Variants in AGAP1 observed in about 807,000 individuals in gnomAD.
AGAP1 encodes ArfGAP with GTPase domain, ankyrin repeat and PH domain 1.
Under a neutral mutation model 105.3 loss-of-function variants are expected in AGAP1, and 29 were observed. The ratio of observed to expected loss-of-function variants is 0.28; its 90% CI spans 0.21 to 0.38. The LOEUF (loss-of-function observed/expected upper bound fraction) is 0.38. Among genes scored for constraint, AGAP1 ranks in the 10% least tolerant of loss-of-function variants. The pLI is 1.00. For missense variants in AGAP1, 998 were observed against 1,165.1 expected, an observed-to-expected ratio of 0.86 and a Z score of 2.09; for synonymous variants, 509 against 485.9, an observed-to-expected ratio of 1.05 and a Z score of -0.63.
At chr2:235,932,950 G>A (rs1290070989) in intron 12 of AGAP1, among the ~76,000 whole-genome samples, 2 of 152,188 alleles carry the variant, frequency 1.3e-5, no homozygotes, top group Non-Finnish European at 2.9e-5. Context: ...TATTCACAAA[G>A]CAATTTCTAT....
intron 9 of AGAP1, among the ~76,000 whole-genome samples, chr2:235,863,595 G>A (rs964799144): frequency 1.3e-5 from 2 of 152,332 alleles, no homozygotes; most frequent in South Asian, 2.1e-4. Context: ...GGGGACAGAC[G>A]CTGGCTGGGG....
chr2:235,976,574 A>G lies in AGAP1; in HGVS notation c.1645+7951A>G, dbSNP rs1203189116. Among the ~76,000 whole-genome samples, 1 of 152,170 alleles carries G rather than the reference A, an allele frequency of 6.6e-6. No individual in the cohort carries two copies. Among genetic ancestry groups the G allele is most frequent in the East Asian group, 1.9e-4 (1 of 5,198 alleles). On this transcript the variant is annotated intron_variant, in intron 13 of 17. Coordinates refer to ENST00000304032, the MANE Select transcript of AGAP1 (RefSeq NM_001037131.3). The surrounding 1 kb of genome is among the most constrained non-coding windows in gnomAD (Gnocchi z 4.5). The stretch of plus-strand genomic sequence containing the variant: ...AATTTTTTTAACCACACACAAACTT[A>G]AAGGGGTTAGATTCAGGTCCAAAAA...
chr2:235,629,198 C>T (rs1049359242), intron 1 of AGAP1, among the ~76,000 whole-genome samples: 1 of 151,558 alleles, frequency 6.6e-6, no homozygotes, highest in Non-Finnish European at 1.5e-5. Context: ...TCAGAATAAT[C>T]GTCTCCAATC....
intron 13 of AGAP1, among the ~76,000 whole-genome samples, chr2:236,034,211 A>G (rs1670995612): frequency 6.6e-6 from 1 of 152,202 alleles, no homozygotes; most frequent in South Asian, 2.1e-4. Context: ...CTGGACCAAG[A>G]CCCACAGATG....
rs2056568290 is a variant in AGAP1, at chr2:236,012,948, T to C, written c.1646-23613T>C. On this transcript the variant is annotated intron_variant, in intron 13 of 17. Coordinates refer to ENST00000304032, the MANE Select transcript of AGAP1 (RefSeq NM_001037131.3). This position sits in a 1 kb window ranked among gnomAD's most constrained non-coding sequence, Gnocchi z 4.9. The stretch of plus-strand genomic sequence containing the variant: ...TTTTAGTAGAGACGGTGTTTTGCCA[T>C]GTTGGCCAGGCTGGTTTCGAACTTC... 6.6e-6 allele frequency among the ~76,000 whole-genome samples: 1 copy of C among 152,116 alleles called. No individual in the cohort carries two copies. Among genetic ancestry groups the C allele is most frequent in the Admixed American group, 6.5e-5 (1 of 15,272 alleles).
intron 1 of AGAP1, among the ~76,000 whole-genome samples, chr2:235,583,553 A>ATT (rs763297542): frequency 2.2e-4 from 28 of 128,452 alleles, no homozygotes; most frequent in Admixed American, 5.5e-4. Flanking sequence ...TACCTGGCTA[A>ATT]TTTTTTTTTT....
intron 4 of AGAP1, among the ~76,000 whole-genome samples, chr2:235,742,166 G>A (rs978257624): frequency 2.6e-5 from 4 of 152,098 alleles, no homozygotes; most frequent in East Asian, 1.9e-4. Flanking sequence ...TTTTGTGAAC[G>A]GGCAGCATAG....
intron 1 of AGAP1, among the ~76,000 whole-genome samples, chr2:235,671,570 C>CCTCG (rs1306038941): frequency 6.6e-6 from 1 of 152,184 alleles, no homozygotes; most frequent in African/African-American, 2.4e-5. Context: ...ACTCCGTGGC[C>CCTCG]CTCGGTATTG....
chr2:235,619,734 T>C (rs1946416335), intron 1 of AGAP1, among the ~76,000 whole-genome samples: 2 of 152,226 alleles, frequency 1.3e-5, no homozygotes, highest in Non-Finnish European at 2.9e-5. Context: ...GGCCAGCTGC[T>C]GGAGATCAGC....
At chr2:236,041,266 ATTTTT>A (rs71039704) in intron 15 of AGAP1, among the ~76,000 whole-genome samples, 17 of 148,182 alleles carry the variant, frequency 1.1e-4, no homozygotes, top group African/African-American at 2.2e-4. Flanking sequence ...TCACTTGTTG[ATTTTT>A]TTTTTTTTTC....
Position 235,553,580 on chromosome 2 carries a change from T to C in AGAP1, c.163+58731T>C, listed in dbSNP as rs982205860. Among the ~76,000 whole-genome samples, 1 of 152,096 alleles carries C rather than the reference T, an allele frequency of 6.6e-6. No individual in the cohort carries two copies. Among genetic ancestry groups the C allele is most frequent in the East Asian group, 1.9e-4 (1 of 5,182 alleles). Reference sequence around the variant, plus strand: ...CCACGCATCTCTCTGGCCTGTTGGCTCACATTTGGGGGTGTGGCATTTGTG... The same window carrying C: ...CCACGCATCTCTCTGGCCTGTTGGCCCACATTTGGGGGTGTGGCATTTGTG... On this transcript the variant is annotated intron_variant, in intron 1 of 17. Coordinates refer to ENST00000304032, the MANE Select transcript of AGAP1 (RefSeq NM_001037131.3). This position sits in a 1 kb window ranked among gnomAD's most constrained non-coding sequence, Gnocchi z 4.5.
chr2:235,596,453 C>T lies in AGAP1; in HGVS notation c.163+101604C>T, dbSNP rs754077579. On this transcript the variant is annotated intron_variant, in intron 1 of 17. Coordinates refer to ENST00000304032, the MANE Select transcript of AGAP1 (RefSeq NM_001037131.3). The surrounding 1 kb of genome is among the most constrained non-coding windows in gnomAD (Gnocchi z 5.9). ...CTGGAGTCACCTTGGGACCTTGTTACCTGCAGATTTGGATTCAGCAAGGCA... is the reference window on the plus strand; with the variant it reads ...CTGGAGTCACCTTGGGACCTTGTTATCTGCAGATTTGGATTCAGCAAGGCA... 3.9e-5 allele frequency among the ~76,000 whole-genome samples: 6 copies of T among 152,146 alleles called. No individual in the cohort carries two copies. Among genetic ancestry groups the T allele is most frequent in the Non-Finnish European group, 7.3e-5 (5 of 68,036 alleles).
intron 16 of AGAP1, among the ~76,000 whole-genome samples, chr2:236,079,567 C>T (rs1306986377): frequency 6.6e-6 from 1 of 150,918 alleles, no homozygotes; most frequent in Non-Finnish European, 1.5e-5. Flanking sequence ...CACACACACA[C>T]ACATACATAC....
At position 235,953,328 on chromosome 2, in the gene AGAP1, G is replaced by A. The variant is rs2053819132; in HGVS notation, c.1484-15134G>A. Among the ~76,000 whole-genome samples, 1 of 152,140 alleles carries A rather than the reference G, an allele frequency of 6.6e-6. No homozygotes were observed. Among genetic ancestry groups the A allele is most frequent in the African/African-American group, 2.4e-5 (1 of 41,430 alleles). Reference sequence around the variant, plus strand: ...CAGTTGCCTTCTAACATAACAAAAGGTTACATGTGATGGCCAAGGGAAAAG... The same window carrying A: ...CAGTTGCCTTCTAACATAACAAAAGATTACATGTGATGGCCAAGGGAAAAG... On this transcript the variant is annotated intron_variant, in intron 12 of 17. Coordinates refer to ENST00000304032, the MANE Select transcript of AGAP1 (RefSeq NM_001037131.3). This position sits in a 1 kb window ranked among gnomAD's most constrained non-coding sequence, Gnocchi z 5.2.
intron 1 of AGAP1, among the ~76,000 whole-genome samples, chr2:235,593,536 A>G (rs1020785923): frequency 2.0e-5 from 3 of 152,232 alleles, no homozygotes; most frequent in African/African-American, 7.2e-5. Context: ...TCATTTAAAC[A>G]AATGATGCCT....
rs1286161758 is a variant in AGAP1 at position 235,963,721 on chromosome 2, T to C, written c.1484-4741T>C. ...TGACTCCACCCTGTTCACCATCTTT[T>C]TCATTGATGTGGATGGATATATGGG... On this transcript the variant is annotated intron_variant, in intron 12 of 17. Coordinates refer to ENST00000304032, the MANE Select transcript of AGAP1 (RefSeq NM_001037131.3). This position sits in a 1 kb window ranked among gnomAD's most constrained non-coding sequence, Gnocchi z 5.1. 6.6e-6 allele frequency among the ~76,000 whole-genome samples: 1 copy of C among 152,124 alleles called. No individual in the cohort carries two copies. Among genetic ancestry groups the C allele is most frequent in the Non-Finnish European group, 1.5e-5 (1 of 68,026 alleles).
At position 236,120,143 on chromosome 2, in the gene AGAP1, G is replaced by C. The variant is rs779055684; in HGVS notation, c.2115-49G>C. 2 of 1,567,758 alleles carry C rather than the reference G, an allele frequency of 1.3e-6. No homozygotes were observed. Among genetic ancestry groups the C allele is most frequent in the East Asian group, 2.3e-5 (1 of 44,416 alleles). On this transcript the variant is annotated intron_variant, in intron 16 of 17. Coordinates refer to ENST00000304032, the MANE Select transcript of AGAP1 (RefSeq NM_001037131.3). This position sits in a 1 kb window ranked among gnomAD's most constrained non-coding sequence, Gnocchi z 6.0. Reference sequence around the variant, plus strand: ...CACACTGGGCAGGGGCTGGCAGCCTGTGTTCTCGGGCCTGATCGTGACTGC... The same window carrying C: ...CACACTGGGCAGGGGCTGGCAGCCTCTGTTCTCGGGCCTGATCGTGACTGC...
rs954160446 is a variant in AGAP1 at position 235,977,609 on chromosome 2, G to A, written c.1645+8986G>A. 1.3e-5 allele frequency among the ~76,000 whole-genome samples: 2 copies of A among 152,188 alleles called. No homozygotes were observed. The highest frequency in any genetic ancestry group is 6.5e-5 in the Admixed American group (1 of 15,288). ...ACACATGCGGCCTGGGCTTCAGGAA[G>A]TAGAGATGCCCGGGGGTTATATTTT... On this transcript the variant is annotated intron_variant, in intron 13 of 17. Coordinates refer to ENST00000304032, the MANE Select transcript of AGAP1 (RefSeq NM_001037131.3). The surrounding 1 kb of genome is among the most constrained non-coding windows in gnomAD (Gnocchi z 5.2).
At chr2:235,518,505 C>T (rs1942487045) in intron 1 of AGAP1, among the ~76,000 whole-genome samples, 2 of 152,188 alleles carry the variant, frequency 1.3e-5, no homozygotes, top group African/African-American at 4.8e-5. Flanking sequence ...CCTTGGATTT[C>T]CTCTGTTTCT....
Sources: allele counts gnomAD v4.1 joint callset (sites outside exome capture counted in the v4.1 genomes callset), GRCh38; gene constraint gnomAD v4.1.1; non-coding constraint Gnocchi (gnomAD v3.1); transcripts MANE v1.5; gene names NCBI Gene and HGNC (gene_info 2026-07-23, HGNC 2026-07-21).